KDM1B: variants seen among roughly 807,000 people sequenced by gnomAD.
KDM1B encodes the protein lysine-specific histone demethylase 2.
KDM1B carries 63 observed loss-of-function variants against 107.4 expected under a neutral mutation model. The ratio of observed to expected loss-of-function variants is 0.59; its 90% CI spans 0.48 to 0.72. The LOEUF (loss-of-function observed/expected upper bound fraction) is 0.72. KDM1B is among the 30% of genes least tolerant of loss of function. KDM1B has a pLI of 0.00. For missense variants in KDM1B, 749 were observed against 1,020.8 expected (o/e 0.73, Z 3.63); for synonymous variants, 363 against 363.9 (o/e 1.00, Z 0.03).
chr6:18,200,341 T>G lies in KDM1B; in HGVS notation c.1222-98T>G, dbSNP rs1440548531. On this transcript the variant is annotated intron_variant, in intron 12 of 21. Coordinates refer to ENST00000650836, the MANE Select transcript of KDM1B (RefSeq NM_001364614.2). This position sits in a 1 kb window ranked among gnomAD's most constrained non-coding sequence, Gnocchi z 4.3. Reference sequence around the variant, plus strand: ...AGAAATATTTGGAATTAACCAAATATAGAGGCTATTTAACAGTGTCCTTCT... The same window carrying G: ...AGAAATATTTGGAATTAACCAAATAGAGAGGCTATTTAACAGTGTCCTTCT... The G allele has an allele frequency of 1.0e-5, 12 of 1,192,100 alleles. No homozygotes were observed. Among genetic ancestry groups the G allele is most frequent in the Non-Finnish European group, 1.3e-5 (11 of 853,864 alleles). The allele number at this position is 1,192,100 out of a possible 1,614,324, so 73.8% of individuals were successfully genotyped here.
chr6:18,158,103 G>A (rs985388309), intron 2 of KDM1B, among the ~76,000 whole-genome samples: 1 of 152,032 alleles, frequency 6.6e-6, no homozygotes, highest in South Asian at 2.1e-4. Context: ...GTGAGCCACC[G>A]CGCTGGCCGG....
intron 7 of KDM1B, among the ~76,000 whole-genome samples, chr6:18,182,736 G>T (rs961306356): frequency 3.3e-5 from 5 of 151,956 alleles, no homozygotes; most frequent in South Asian, 2.1e-4. Flanking sequence ...TTGCTATGTT[G>T]CCCAGGCTGG....
At position 18,209,935 on chromosome 6, in the gene KDM1B, C is replaced by G. The variant is rs1486950882; in HGVS notation, c.1866+1729C>G. 2.6e-5 allele frequency among the ~76,000 whole-genome samples: 4 copies of G among 152,100 alleles called. No individual in the cohort carries two copies. Among genetic ancestry groups the G allele is most frequent in the Non-Finnish European group, 4.4e-5 (3 of 68,026 alleles). ...ATTGCAAGTCACCCGACAGTTCAGCCTCTGCTGTTCTGTAGCTCCACTTCT... is the reference window on the plus strand; with the variant it reads ...ATTGCAAGTCACCCGACAGTTCAGCGTCTGCTGTTCTGTAGCTCCACTTCT... On this transcript the variant is annotated intron_variant, in intron 17 of 21. Transcript: ENST00000650836. This position sits in a 1 kb window ranked among gnomAD's most constrained non-coding sequence, Gnocchi z 4.3.
chr6:18,206,500 G>C (rs749389010), intron 15 of KDM1B, among the ~76,000 whole-genome samples: 4 of 152,218 alleles, frequency 2.6e-5, no homozygotes, highest in Non-Finnish European at 5.9e-5. Flanking sequence ...CTGGGCGATA[G>C]AGTGAGACCC....
At chr6:18,165,128 ATTTTTTTTT>A (rs35906579) in intron 5 of KDM1B, among the ~76,000 whole-genome samples, 2 of 81,568 alleles carry the variant, frequency 2.5e-5, no homozygotes, top group East Asian at 4.2e-4. Flanking sequence ...GCCTTCTCTG[ATTTTTTTTT>A]TTTTTTTTTT....
At chr6:18,195,198 T>G (rs1787561805) in intron 10 of KDM1B, among the ~76,000 whole-genome samples, 1 of 152,214 alleles carries the variant, frequency 6.6e-6, no homozygotes, top group Admixed American at 6.5e-5. Context: ...TGATGGGCTT[T>G]GAATTGTTTC....
At chr6:18,199,008 G>GAAAAAAAAAAACAA (rs1787854863) in intron 12 of KDM1B, among the ~76,000 whole-genome samples, 1 of 74,696 alleles carries the variant, frequency 1.3e-5, no homozygotes, top group Non-Finnish European at 2.7e-5. Flanking sequence ...GTCTCTACCA[G>GAAAAAAAAAAACAA]AAAAAAAAAA....
At chr6:18,198,351 T>A (rs185485473) in intron 12 of KDM1B, among the ~76,000 whole-genome samples, 2,103 of 151,536 alleles carry the variant, frequency 0.014, 48 homozygotes, top group African/African-American at 0.048. Context: ...GTTTTTTTTT[T>A]AAATCTATTT....
intron 2 of KDM1B, among the ~76,000 whole-genome samples, chr6:18,158,038 C>T (rs1297739944): frequency 6.6e-6 from 1 of 151,978 alleles, no homozygotes; most frequent in Non-Finnish European, 1.5e-5. Flanking sequence ...TGGTCTCGAT[C>T]TCCTGATGTC....
At chr6:18,208,799 CACGCCTGGCTA>C (rs1339403037) in intron 17 of KDM1B, among the ~76,000 whole-genome samples, 1 of 143,190 alleles carries the variant, frequency 7.0e-6, no homozygotes, top group Non-Finnish European at 1.5e-5. Flanking sequence ...CACCCGCCAT[CACGCCTGGCTA>C]ATTTTTTTTT....
chr6:18,174,316 T>A (rs1561915890), intron 7 of KDM1B, among the ~76,000 whole-genome samples: 1 of 152,138 alleles, frequency 6.6e-6, no homozygotes, highest in South Asian at 2.1e-4. Flanking sequence ...AACTTCTTAG[T>A]ATCCAATAAA....
chr6:18,159,598 G>C lies in KDM1B; in HGVS notation c.-13-285G>C, dbSNP rs115104049. ...GTGTGAGAACACTGAGGCTTAGAGA[G>C]GTTAAGAACTTGAAAATGGTGGCTT... On this transcript the variant is annotated intron_variant, in intron 2 of 21. Coordinates refer to ENST00000650836, the MANE Select transcript of KDM1B (RefSeq NM_001364614.2). The surrounding 1 kb of genome is among the most constrained non-coding windows in gnomAD (Gnocchi z 4.5). Among the ~76,000 whole-genome samples, 2,630 of 152,276 alleles carry C rather than the reference G, an allele frequency of 0.017. 42 individuals carry two copies. Among genetic ancestry groups the C allele is most frequent in the African/African-American group, 0.048 (1,999 of 41,566 alleles).
At chr6:18,202,716 T>C (rs559268289) in intron 14 of KDM1B, among the ~76,000 whole-genome samples, 14 of 152,354 alleles carry the variant, frequency 9.2e-5, no homozygotes, top group South Asian at 4.1e-4. Flanking sequence ...CAGGCTGATA[T>C]ACAGTTCATC....
intron 15 of KDM1B, among the ~76,000 whole-genome samples, chr6:18,206,191 T>G (rs1414942762): frequency 1.3e-5 from 2 of 150,588 alleles, no homozygotes; most frequent in African/African-American, 4.9e-5. Flanking sequence ...CTTCTTCAGA[T>G]AATGCTTGTG....
In KDM1B at chr6:18,187,891, C is replaced by T; in HGVS notation, c.673C>T (p.Pro225Ser). ...AGCGCCCCTGCTGTCTGCCTACTAC[C>T]CTGACTGTGTTGGCATGAGCCCCTC... Reference protein sequence around the residue: ...VAAPLLSAYYPDCVGMSPSCT... With the variant: ...VAAPLLSAYYSDCVGMSPSCT... Residue 225 changes from proline to serine, a missense_variant, in exon 9 of 22, where the codon CCT becomes TCT. Pro to Ser is a moderately conservative substitution (Grantham distance 74). Coordinates refer to ENST00000650836, the MANE Select transcript of KDM1B (RefSeq NM_001364614.2). 1 of 1,550,286 alleles carries T rather than the reference C, an allele frequency of 6.5e-7. No individual in the cohort carries two copies. The highest frequency in any genetic ancestry group is 8.7e-7 in the Non-Finnish European group (1 of 1,146,814).
Position 18,197,718 on chromosome 6 carries a change from A to T in KDM1B, c.1221+57A>T, listed in dbSNP as rs1037745539. 3.9e-6 allele frequency: 5 copies of T among 1,272,516 alleles called. No individual in the cohort carries two copies. The highest frequency in any genetic ancestry group is 4.5e-6 in the Non-Finnish European group (4 of 890,828). The allele number at this position is 1,272,516 out of a possible 1,614,324, so 78.8% of individuals were successfully genotyped here. A position where few individuals can be genotyped will look rare whatever the true frequency, so the allele number is the denominator to read the frequency against. ...ATGGTTGACTGCTCCTTTTGGTCCA[A>T]ATTTCTAAGATTTAGAAACCAGTTC... On this transcript the variant is annotated intron_variant, in intron 12 of 21. Coordinates refer to ENST00000650836, the MANE Select transcript of KDM1B (RefSeq NM_001364614.2). This position sits in a 1 kb window ranked among gnomAD's most constrained non-coding sequence, Gnocchi z 4.5.
chr6:18,156,458 C>A (rs926181092), intron 2 of KDM1B, among the ~76,000 whole-genome samples: 10 of 152,082 alleles, frequency 6.6e-5, no homozygotes, highest in African/African-American at 2.4e-4. Context: ...AAGGCTTTGA[C>A]CAGTTTTGTT....
intron 7 of KDM1B, among the ~76,000 whole-genome samples, chr6:18,183,258 G>GTTTTTTTTT (rs34558185): frequency 8.1e-5 from 5 of 61,430 alleles, no homozygotes; most frequent in African/African-American, 1.8e-4. Flanking sequence ...AATTTTGTGG[G>GTTTTTTTTT]TTTTTTTTTT....
At chr6:18,181,145 A>G (rs1293864017) in intron 7 of KDM1B, among the ~76,000 whole-genome samples, 1 of 152,232 alleles carries the variant, frequency 6.6e-6, no homozygotes, top group African/African-American at 2.4e-5. Flanking sequence ...CCAGCAATAT[A>G]GAAAAGAACA....
Sources: gnomAD v4.1 joint callset for allele counts (sites outside exome capture counted in the v4.1 genomes callset) on GRCh38, gnomAD v4.1.1 for gene constraint, Gnocchi (gnomAD v3.1) non-coding constraint, MANE v1.5 for transcripts, NCBI Gene and HGNC (gene_info 2026-07-23, HGNC 2026-07-21) for gene names.